The following ARHGEF16 variants were observed in gnomAD, a reference collection of about 807,000 sequenced individuals.
ARHGEF16 encodes the protein Rho guanine exchange factor (GEF) 16.
In ARHGEF16, 59 loss-of-function variants were observed where a neutral mutation model predicts 74.1. The observed-to-expected ratio is 0.80, with a 90% CI of 0.65 to 0.99. The LOEUF is 0.99. ARHGEF16 is among the 50% of genes least tolerant of loss of function. The pLI is 0.00. For missense variants in ARHGEF16, 948 were observed against 986.6 expected (o/e 0.96, Z 0.52); for synonymous variants, 415 against 412.6 (o/e 1.01, Z -0.07).
intron 6 of ARHGEF16, among the ~76,000 whole-genome samples, chr1:3,470,059 T>C (rs947426147): frequency 1.3e-5 from 2 of 152,140 alleles, no homozygotes; most frequent in Non-Finnish European, 2.9e-5. Context: ...AGGCTGGACA[T>C]GCAGCTGCAG....
chr1:3,477,785 C>T (rs898600368), intron 10 of ARHGEF16, 90 bp from the exon 11 acceptor site: 18 of 1,248,288 alleles, frequency 1.4e-5, no homozygotes, highest in Admixed American at 5.4e-5. Flanking sequence ...TGGTGCTATG[C>T]GTCCTTGACC....
At chr1:3,459,117 G>T (rs1164791588) in intron 1 of ARHGEF16, among the ~76,000 whole-genome samples, 8 of 152,222 alleles carry the variant, frequency 5.3e-5, no homozygotes, top group African/African-American at 1.4e-4. Flanking sequence ...CCCAGTGCCT[G>T]GCTCAGTGGA....
intron 11 of ARHGEF16, 149 bp downstream of exon 11, chr1:3,478,175 C>T: frequency 1.7e-6 from 2 of 1,162,278 alleles, no homozygotes; most frequent in South Asian, 1.5e-5. Context: ...CTCTACGTGA[C>T]ACTCGGGGGC....
intron 10 of ARHGEF16, 80 bp downstream of exon 10, chr1:3,476,142 C>T (rs1639867601): frequency 7.0e-7 from 1 of 1,427,358 alleles, no homozygotes; most frequent in East Asian, 2.5e-5. Context: ...GAGGTCACAC[C>T]CCTGAGCCTG....
At chr1:3,474,271 C>G (rs916178261) in intron 8 of ARHGEF16, 2 of 227,252 alleles carry the variant, frequency 8.8e-6, no homozygotes, top group African/African-American at 2.2e-5. Flanking sequence ...CATATTCACA[C>G]ATGTGCATGC....
In ARHGEF16 at chr1:3,478,445, G is replaced by A; in HGVS notation, c.1647G>A (p.Gln549=). The part of the protein sequence containing the change: ...KKKSEESYMV[Q]DYAQMNHIQV... ...ACAGCGAGGAGAGCTACATGGTCCA[G>A]GACTACGCCCAGATGAACCACATCC... is the stretch of plus-strand genomic sequence containing the variant. The change falls in exon 12 of 15, where the codon CAG becomes CAA. Residue 549 remains glutamine, a synonymous_variant. Coordinates refer to ENST00000378378, the MANE Select transcript of ARHGEF16 (RefSeq NM_014448.4). 1 of 1,610,624 alleles carries A rather than the reference G, an allele frequency of 6.2e-7. No individual in the cohort carries two copies. Among genetic ancestry groups the A allele is most frequent in the Non-Finnish European group, 8.5e-7 (1 of 1,178,632 alleles).
rs1177931080 is a variant in ARHGEF16 at position 3,480,674 on chromosome 1, C to A, written c.*87C>A. On this transcript the variant is annotated 3_prime_UTR_variant, in exon 15 of 15. Coordinates refer to ENST00000378378, the MANE Select transcript of ARHGEF16 (RefSeq NM_014448.4). ...GCTCTAGAGAGCGTGGGGAGCTGGT[C>A]TCAAGGACCCAGCATGGTTCCCTGG... is the stretch of plus-strand genomic sequence containing the variant. 5 of 1,508,672 alleles carry A rather than the reference C, an allele frequency of 3.3e-6. No individual in the cohort carries two copies. Among genetic ancestry groups the A allele is most frequent in the African/African-American group, 2.7e-5 (2 of 73,126 alleles). The allele number at this position is 1,508,672 out of a possible 1,614,324, so 93.5% of individuals were successfully genotyped here. A position where few individuals can be genotyped will look rare whatever the true frequency, so the allele number is the denominator to read the frequency against.
intron 11 of ARHGEF16, 164 bp from the exon 12 acceptor site, chr1:3,478,260 C>T (rs554449761): frequency 1.5e-4 from 138 of 945,958 alleles, no homozygotes; most frequent in Non-Finnish European, 1.8e-4. Context: ...GAGGAGGACT[C>T]GAAAGCCATG....
At chr1:3,455,465 G>T (rs1009124510) in intron 1 of ARHGEF16, among the ~76,000 whole-genome samples, 3 of 152,212 alleles carry the variant, frequency 2.0e-5, no homozygotes, top group South Asian at 4.1e-4. Context: ...CCAGGGAGCC[G>T]TGGCCGCTTG....
chr1:3,476,111 C>A, intron 10 of ARHGEF16, 49 bp downstream of exon 10: 1 of 1,529,858 alleles, frequency 6.5e-7, no homozygotes, highest in Non-Finnish European at 8.8e-7. Flanking sequence ...CCCACTCAGC[C>A]CTCCCTGCTG....
At position 3,467,355 on chromosome 1, in the gene ARHGEF16, G is replaced by C; in HGVS notation, c.804+18G>C. 6.5e-7 allele frequency: 1 copy of C among 1,541,504 alleles called. No individual in the cohort carries two copies. The highest frequency in any genetic ancestry group is 8.8e-7 in the Non-Finnish European group (1 of 1,141,310). The stretch of plus-strand genomic sequence containing the variant: ...TCCCAGAGGTAGCGCCGGAGGGTGG[G>C]TGAGGCTGCCCCACAGAGGCAGGGA... On this transcript the variant is annotated intron_variant, in intron 4 of 14. Coordinates refer to ENST00000378378, the MANE Select transcript of ARHGEF16 (RefSeq NM_014448.4).
In ARHGEF16 at chr1:3,463,368, TG is replaced by T; in HGVS notation, c.286del (p.Ala96ProfsTer50). 1 of 1,550,126 alleles carries T rather than the reference TG, an allele frequency of 6.5e-7. No homozygotes were observed. Among genetic ancestry groups the T allele is most frequent in the Non-Finnish European group, 8.7e-7 (1 of 1,146,880 alleles). On this transcript the variant is annotated frameshift_variant, in exon 2 of 15. Transcript: ENST00000378378. LOFTEE classifies it high-confidence loss of function. ...TQQLIPKSLA[V>X]ASKAKTPARH... ...CAGCTGATCCCTAAGAGCCTGGCTG[TG>T]GCCAGCAAGGCAAAGACCCCAGCCC...
intron 5 of ARHGEF16, 79 bp from the exon 6 acceptor site, chr1:3,469,354 C>T: frequency 6.5e-7 from 1 of 1,543,166 alleles, no homozygotes; most frequent in Non-Finnish European, 8.9e-7. Flanking sequence ...GGGTCACGTC[C>T]TCCTGTTCCA....
chr1:3,478,302 G>A, intron 11 of ARHGEF16, 122 bp from the exon 12 acceptor site: 3 of 1,152,164 alleles, frequency 2.6e-6, no homozygotes. Flanking sequence ...GGAACTCTTG[G>A]AGCCCGTCCG....
chr1:3,469,533 C>T lies in ARHGEF16; in HGVS notation c.962C>T (p.Thr321Ile), dbSNP rs1639646740. 2 of 1,613,148 alleles carry T rather than the reference C, an allele frequency of 1.2e-6. No homozygotes were observed. The highest frequency in any genetic ancestry group is 1.7e-6 in the Non-Finnish European group (2 of 1,179,992). The change falls in exon 6 of 15, where the codon ACC becomes ATC. Residue 321 changes from threonine to isoleucine, a missense_variant. Coordinates refer to ENST00000378378, the MANE Select transcript of ARHGEF16 (RefSeq NM_014448.4). The part of the protein sequence containing the change: ...LQSKELRATV[T>I]QMEHHHLFSN... ...TCCAAGGAGCTGCGGGCGACCGTGA[C>T]CCAGATGGAGCACCACCACCTCTTC...
Position 3,473,939 on chromosome 1 carries a change from G to C in ARHGEF16, c.1305+417G>C, listed in dbSNP as rs567896181. The C allele has an allele frequency of 1.1e-3, 320 of 283,982 alleles. 7 individuals carry two copies. In the South Asian group the frequency reaches 0.013, roughly 11 times the overall value. The allele number at this position is 283,982 out of a possible 1,614,324, so 17.6% of individuals were successfully genotyped here. A position where few individuals can be genotyped will look rare whatever the true frequency, so the allele number is the denominator to read the frequency against. ...GAGAGGGGCTCAGAGAGGCTCACCAGCATGGGCTGTGTGTGTGGGATGCCA... is the reference window on the plus strand; with the variant it reads ...GAGAGGGGCTCAGAGAGGCTCACCACCATGGGCTGTGTGTGTGGGATGCCA... On this transcript the variant is annotated intron_variant, in intron 8 of 14. Coordinates refer to ENST00000378378, the MANE Select transcript of ARHGEF16 (RefSeq NM_014448.4).
In ARHGEF16 at chr1:3,468,948, C is replaced by T. The variant is rs1447569203; in HGVS notation, c.861+12C>T. ...GGAAAAGGCAGGAGGTAAAAGGGCC[C>T]TGGGCGGGAGGGCTGTCCCCCATGG... is the stretch of plus-strand genomic sequence containing the variant. On this transcript the variant is annotated intron_variant, in intron 5 of 14. Coordinates refer to ENST00000378378, the MANE Select transcript of ARHGEF16 (RefSeq NM_014448.4). 5.2e-6 allele frequency: 8 copies of T among 1,549,704 alleles called. No individual in the cohort carries two copies. In the Admixed American group the frequency reaches 5.9e-5, roughly 11 times the overall value.
chr1:3,466,895 G>C (rs1175287960), intron 3 of ARHGEF16: 2 of 378,770 alleles, frequency 5.3e-6, no homozygotes, highest in Non-Finnish European at 9.5e-6. Context: ...GGAGGCAGCA[G>C]CGATGCCCCA....
Position 3,479,839 on chromosome 1 carries a change from CCTT to C in ARHGEF16, c.1921_1923del (p.Phe641del), listed in dbSNP as rs756467358. 2 of 1,612,228 alleles carry C rather than the reference CCTT, an allele frequency of 1.2e-6. No homozygotes were observed. The highest frequency in any genetic ancestry group is 1.1e-5 in the South Asian group (1 of 91,076). ...CTGCCCCAGGTGGAGATCACCAAGG[CCTT>C]CTTCGCGAAGCAAGCAGACGAGGTC... On this transcript the variant is annotated inframe_deletion, in exon 14 of 15. Transcript: ENST00000378378.
Sources: gnomAD v4.1 joint callset for allele counts (sites outside exome capture counted in the v4.1 genomes callset) on GRCh38, gnomAD v4.1.1 for gene constraint, MANE v1.5 for transcripts, NCBI Gene and HGNC (gene_info 2026-07-23, HGNC 2026-07-21) for gene names.